The following DLG2 variants were observed in gnomAD, a reference collection of about 807,000 sequenced individuals.
DLG2 encodes disks large homolog 2.
In DLG2, 45 loss-of-function variants were observed where a neutral mutation model predicts 132.5. The observed-to-expected ratio is 0.34, with a 90% CI of 0.27 to 0.44. The LOEUF is 0.44. Among genes scored for constraint, DLG2 ranks in the 20% least tolerant of loss-of-function variants. The probability of loss-of-function intolerance (pLI) is 1.00; values close to 1 mark genes in which losing one functional copy is unlikely to be tolerated. For synonymous variants in DLG2, 424 were observed against 419.6 expected (o/e 1.01, Z -0.13); for missense variants, 1,045 against 1,196.9 (o/e 0.87, Z 1.87).
chr11:85,199,323 T>TTA (rs1476523135), intron 4 of DLG2, among the ~76,000 whole-genome samples: 1 of 152,206 alleles, frequency 6.6e-6, no homozygotes, highest in African/African-American at 2.4e-5. Context: ...ATGTTTCTAT[T>TTA]TACAAGAAGT....
intron 6 of DLG2, among the ~76,000 whole-genome samples, chr11:84,557,114 G>C (rs1435970187): frequency 6.6e-6 from 1 of 152,032 alleles, no homozygotes; most frequent in Non-Finnish European, 1.5e-5. Context: ...GTGTCAACTT[G>C]GCTAAATTAT....
At chr11:85,443,696 T>A (rs1390122053) in intron 3 of DLG2, among the ~76,000 whole-genome samples, 1 of 152,240 alleles carries the variant, frequency 6.6e-6, no homozygotes, top group African/African-American at 2.4e-5. Flanking sequence ...ATTAAAATAG[T>A]AAGCAAAATT....
chr11:84,193,844 G>T (rs575916661), intron 8 of DLG2, among the ~76,000 whole-genome samples: 3 of 152,234 alleles, frequency 2.0e-5, no homozygotes, highest in South Asian at 2.1e-4. Flanking sequence ...TTTTATGAAG[G>T]CACTGATCCA....
chr11:84,996,500 C>T (rs1244584384), intron 6 of DLG2, among the ~76,000 whole-genome samples: 1 of 152,172 alleles, frequency 6.6e-6, no homozygotes, highest in Non-Finnish European at 1.5e-5. Context: ...GATCTGTCTA[C>T]TATTTAAGTC....
intron 3 of DLG2, among the ~76,000 whole-genome samples, chr11:85,583,334 T>C (rs1352550979): frequency 6.7e-6 from 1 of 148,990 alleles, no homozygotes; most frequent in Non-Finnish European, 1.5e-5. Context: ...ACCAGCTTTT[T>C]GTTGTTGTTG....
At chr11:84,822,886 T>C (rs568832193) in intron 6 of DLG2, among the ~76,000 whole-genome samples, 47 of 152,096 alleles carry the variant, frequency 3.1e-4, no homozygotes, top group African/African-American at 1.1e-3. Flanking sequence ...AACTGTTTTG[T>C]ACACTACGTG....
At chr11:83,997,342 T>G (rs2094096401) in intron 11 of DLG2, among the ~76,000 whole-genome samples, 1 of 152,104 alleles carries the variant, frequency 6.6e-6, no homozygotes, top group Non-Finnish European at 1.5e-5. Flanking sequence ...TCATTCTAGG[T>G]CCAACAATGC....
At chr11:84,318,151 A>C (rs2098379358) in intron 7 of DLG2, among the ~76,000 whole-genome samples, 1 of 152,222 alleles carries the variant, frequency 6.6e-6, no homozygotes. Flanking sequence ...CAGAATTTTC[A>C]AATTCTTTCA....
chr11:84,737,549 G>C (rs909587533), intron 6 of DLG2, among the ~76,000 whole-genome samples: 1 of 151,602 alleles, frequency 6.6e-6, no homozygotes, highest in Non-Finnish European at 1.5e-5. Flanking sequence ...ATGTATTTTT[G>C]TGTGTGGGAA....
At chr11:84,179,934 A>G (rs1204796656) in intron 8 of DLG2, among the ~76,000 whole-genome samples, 4 of 152,148 alleles carry the variant, frequency 2.6e-5, no homozygotes, top group Admixed American at 1.3e-4. Context: ...TTTCCTCCCC[A>G]ATACCTTGCC....
At chr11:83,848,871 C>T (rs2059146979) in intron 16 of DLG2, among the ~76,000 whole-genome samples, 1 of 152,174 alleles carries the variant, frequency 6.6e-6, no homozygotes, top group Admixed American at 6.5e-5. Context: ...CCAGATGAAC[C>T]AGTTTATCCT....
chr11:84,201,089 A>G (rs1377994922), intron 8 of DLG2, among the ~76,000 whole-genome samples: 1 of 152,166 alleles, frequency 6.6e-6, no homozygotes, highest in Non-Finnish European at 1.5e-5. Context: ...GGTTTGTCAC[A>G]TATGGCTCTT....
chr11:84,250,489 C>A (rs546094087), intron 8 of DLG2, among the ~76,000 whole-genome samples: 2 of 152,284 alleles, frequency 1.3e-5, no homozygotes, highest in East Asian at 1.9e-4. Flanking sequence ...CAGCTTCATA[C>A]CCCCTGTCTA....
intron 17 of DLG2, among the ~76,000 whole-genome samples, chr11:83,787,496 T>C (rs2040343143): frequency 6.6e-6 from 1 of 151,856 alleles, no homozygotes; most frequent in Non-Finnish European, 1.5e-5. Context: ...TAATTTTTTA[T>C]ATTTTCAGTA....
In DLG2 at chr11:83,726,113, A is replaced by T. The variant is rs534824594; in HGVS notation, c.1825+60577T>A. 5.1e-4 allele frequency among the ~76,000 whole-genome samples: 78 copies of T among 151,740 alleles called. 2 individuals carry two copies. The highest frequency in any genetic ancestry group is 1.7e-3 in the Admixed American group (26 of 15,288). On this transcript the variant is annotated intron_variant, in intron 18 of 27. Coordinates refer to ENST00000376104, the MANE Select transcript of DLG2 (RefSeq NM_001142699.3). ...TCTAAGTGTAAATGTTTTATTTTTT[A>T]AAAAAAATCAGCTGTGAATGTATTC...
At chr11:85,078,735 A>G (rs1204461134) in intron 6 of DLG2, among the ~76,000 whole-genome samples, 3 of 152,078 alleles carry the variant, frequency 2.0e-5, no homozygotes. Flanking sequence ...AAGAGGTAGG[A>G]ATATTAAACC....
chr11:84,830,964 C>CA (rs1555246517), intron 6 of DLG2, among the ~76,000 whole-genome samples: 1 of 110,104 alleles, frequency 9.1e-6, no homozygotes, highest in East Asian at 3.3e-4. Context: ...CCCCACCCCC[C>CA]CCAGCTCTGT....
chr11:85,481,287 G>A (rs2093282649), intron 3 of DLG2, among the ~76,000 whole-genome samples: 1 of 152,186 alleles, frequency 6.6e-6, no homozygotes, highest in Non-Finnish European at 1.5e-5. Flanking sequence ...TTGAGTATCA[G>A]CAAGATGGCA....
chr11:84,805,032 T>G (rs1199354138), intron 6 of DLG2, among the ~76,000 whole-genome samples: 1 of 151,966 alleles, frequency 6.6e-6, no homozygotes, highest in East Asian at 1.9e-4. Context: ...TTCTGGAGAG[T>G]CAGAACTTTC....
Sources: gnomAD v4.1 joint callset for allele counts (sites outside exome capture counted in the v4.1 genomes callset) on GRCh38, gnomAD v4.1.1 for gene constraint, MANE v1.5 for transcripts, NCBI Gene and HGNC (gene_info 2026-07-23, HGNC 2026-07-21) for gene names.